Variants in NEK10 observed in about 807,000 individuals in gnomAD.
NEK10 encodes serine/threonine-protein kinase Nek10.
NEK10 carries 122 observed loss-of-function variants against 159.8 expected under a neutral mutation model. The observed-to-expected ratio is 0.76, with a 90% CI of 0.66 to 0.89. The LOEUF is 0.89. Among genes scored for constraint, NEK10 ranks in the 40% least tolerant of loss-of-function variants. The pLI is 0.00. For missense variants in NEK10, 1,342 were observed against 1,323.1 expected (o/e 1.01, Z -0.22); for synonymous variants, 466 against 457.1 (o/e 1.02, Z -0.25).
rs187483898 is a variant in NEK10, at chr3:27,291,885, G to A, written c.1374-299C>T. 6.6e-5 allele frequency among the ~76,000 whole-genome samples: 10 copies of A among 152,108 alleles called. No individual in the cohort carries two copies. The East Asian group carries it at 1.2e-3, about 18-fold the overall frequency. On this transcript the variant is annotated intron_variant, in intron 16 of 35. Coordinates refer to ENST00000691995, the MANE Select transcript of NEK10 (RefSeq NM_001394966.1). ...TCTCGATCTCCTGACCTCGTGATCC[G>A]CCCGTCTTGGCCTCCCAAAGTGCTG...
chr3:27,349,555 T>A (rs1232379664), intron 3 of NEK10, among the ~76,000 whole-genome samples: 2 of 152,180 alleles, frequency 1.3e-5, no homozygotes, highest in African/African-American at 4.8e-5. Context: ...ACAGCATCTA[T>A]CAAAACCTTT....
At position 27,291,538 on chromosome 3, in the gene NEK10, A is replaced by G. The variant is rs182672327; in HGVS notation, c.1422T>C (p.Tyr474=). The change falls in exon 17 of 36, where the codon TAT becomes TAC. Residue 474 remains tyrosine, a synonymous_variant. Transcript: ENST00000691995. The part of the protein sequence containing the change: ...LFEIFIDIGH[Y]VRDISAYEEL... The stretch of plus-strand genomic sequence containing the variant: ...CTTCATAAGCACTGATATCACGTAC[A>G]TAATGCCCTATGTCAATGAAGATCT... The G allele has an allele frequency of 3.5e-5, 56 of 1,610,998 alleles. No homozygotes were observed. The highest frequency in any genetic ancestry group is 4.7e-5 in the Non-Finnish European group (55 of 1,177,238).
At chr3:27,294,119 G>C (rs1267057659) in intron 15 of NEK10, among the ~76,000 whole-genome samples, 1 of 152,134 alleles carries the variant, frequency 6.6e-6, no homozygotes, top group Non-Finnish European at 1.5e-5. Context: ...TTGACAAATT[G>C]GTCTCTTGAG....
At chr3:27,142,040 CA>C (rs1048173519) in intron 30 of NEK10, among the ~76,000 whole-genome samples, 20 of 148,714 alleles carry the variant, frequency 1.3e-4, no homozygotes, top group East Asian at 3.9e-4. Context: ...TCTTACAGAG[CA>C]AAAAAAAATG....
intron 9 of NEK10, 136 bp from the exon 10 acceptor site, chr3:27,309,141 A>AATT: frequency 4.8e-6 from 2 of 414,236 alleles, no homozygotes; most frequent in Non-Finnish European, 8.4e-6. Flanking sequence ...TATAGGCTTA[A>AATT]CTGTTTTTTT....
At chr3:27,318,209 C>A (rs1425066482) in intron 6 of NEK10, among the ~76,000 whole-genome samples, 1 of 152,058 alleles carries the variant, frequency 6.6e-6, no homozygotes, top group Non-Finnish European at 1.5e-5. Context: ...TTGGTATACT[C>A]GATTTGTAGG....
Position 27,284,688 on chromosome 3 carries a change from C to A in NEK10, c.1928G>T (p.Arg643Leu). 1 of 1,607,948 alleles carries A rather than the reference C, an allele frequency of 6.2e-7. No individual in the cohort carries two copies. The highest frequency in any genetic ancestry group is 8.5e-7 in the Non-Finnish European group (1 of 1,174,552). Residue 643 changes from arginine (R) to leucine (L), a missense_variant, in exon 22 of 36, where the codon CGA (arginine) becomes CTA (leucine). Arg to Leu is a moderately radical substitution (Grantham distance 102). Coordinates refer to ENST00000691995, the MANE Select transcript of NEK10 (RefSeq NM_001394966.1). ...AATCCTCTTCTCCTTGTGTAAGTATCGAAGAGCTAAGCACAGCTTGAAACA... is the reference window on the plus strand; with the variant it reads ...AATCCTCTTCTCCTTGTGTAAGTATAGAAGAGCTAAGCACAGCTTGAAACA... ...KIFIQLCLAL[R>L]YLHKEKRIVH...
intron 31 of NEK10, among the ~76,000 whole-genome samples, chr3:27,139,927 G>T (rs1378398335): frequency 6.6e-6 from 1 of 152,186 alleles, no homozygotes; most frequent in Non-Finnish European, 1.5e-5. Context: ...AAAGCCCTGT[G>T]GTTGCTCTCC....
At chr3:27,325,069 G>T (rs1039845356) in intron 5 of NEK10, among the ~76,000 whole-genome samples, 4 of 152,214 alleles carry the variant, frequency 2.6e-5, no homozygotes, top group African/African-American at 9.6e-5. Context: ...TGTATGTTGT[G>T]CAGAAGTGGC....
chr3:27,262,917 A>G (rs962126266), intron 22 of NEK10, among the ~76,000 whole-genome samples: 3 of 152,074 alleles, frequency 2.0e-5, no homozygotes, highest in Non-Finnish European at 4.4e-5. Context: ...TCTGATTTTT[A>G]GAGTTTCCAG....
chr3:27,220,077 A>G (rs1475368953), intron 23 of NEK10, among the ~76,000 whole-genome samples: 1 of 152,224 alleles, frequency 6.6e-6, no homozygotes, highest in African/African-American at 2.4e-5. Context: ...TTTAAAAAAG[A>G]CCTAAATAAA....
At chr3:27,336,895 A>T (rs929833397) in intron 5 of NEK10, among the ~76,000 whole-genome samples, 1 of 152,172 alleles carries the variant, frequency 6.6e-6, no homozygotes, top group African/African-American at 2.4e-5. Context: ...AGCCAATATC[A>T]TACTGAAGGT....
At chr3:27,291,994 A>C (rs1034464967) in intron 16 of NEK10, among the ~76,000 whole-genome samples, 5 of 152,142 alleles carry the variant, frequency 3.3e-5, no homozygotes, top group Admixed American at 2.0e-4. Context: ...CATGAAACAA[A>C]TTTAACTTCT....
intron 23 of NEK10, among the ~76,000 whole-genome samples, chr3:27,221,213 C>T (rs1952067678): frequency 6.6e-6 from 1 of 152,252 alleles, no homozygotes; most frequent in East Asian, 1.9e-4. Flanking sequence ...ATTATCAAGA[C>T]AATGAGAAGA....
intron 6 of NEK10, among the ~76,000 whole-genome samples, chr3:27,315,378 T>C (rs183325197): frequency 1.1e-4 from 16 of 152,294 alleles, no homozygotes; most frequent in South Asian, 8.3e-4. Flanking sequence ...ATACTCTGTA[T>C]AAAGTGAACT....
chr3:27,357,342 T>C (rs546994587), intron 1 of NEK10, among the ~76,000 whole-genome samples: 1 of 152,336 alleles, frequency 6.6e-6, no homozygotes, highest in South Asian at 2.1e-4. Context: ...TATTACTTTT[T>C]TAGGTCAACA....
intron 31 of NEK10, among the ~76,000 whole-genome samples, chr3:27,135,608 C>T (rs1943111359): frequency 6.6e-6 from 1 of 152,156 alleles, no homozygotes. Flanking sequence ...GAAGACTATC[C>T]ATTGTTCACA....
At position 27,121,290 on chromosome 3, in the gene NEK10, C is replaced by T. The variant is rs573680732; in HGVS notation, c.3082-1422G>A. 3.0e-4 allele frequency among the ~76,000 whole-genome samples: 45 copies of T among 152,242 alleles called. 1 individual carries two copies. In the South Asian group the frequency reaches 8.1e-3, roughly 27 times the overall value. Reference sequence around the variant, plus strand: ...CAAACTATGGATACTCAGAGCAACACGGTTCAGTGTTGGAGAAAAGAAGCC... The same window carrying T: ...CAAACTATGGATACTCAGAGCAACATGGTTCAGTGTTGGAGAAAAGAAGCC... On this transcript the variant is annotated intron_variant, in intron 32 of 35. Coordinates refer to ENST00000691995, the MANE Select transcript of NEK10 (RefSeq NM_001394966.1).
At chr3:27,190,064 T>C (rs1349456408) in intron 26 of NEK10, among the ~76,000 whole-genome samples, 2 of 152,168 alleles carry the variant, frequency 1.3e-5, no homozygotes, top group South Asian at 2.1e-4. Flanking sequence ...TGCTCATTTA[T>C]ATGACTGATG....
Sources: gnomAD v4.1 joint callset for allele counts (sites outside exome capture counted in the v4.1 genomes callset) on GRCh38, gnomAD v4.1.1 for gene constraint, MANE v1.5 for transcripts, NCBI Gene and HGNC (gene_info 2026-07-23, HGNC 2026-07-21) for gene names.